The following DIP2B variants were observed in gnomAD, a reference collection of about 807,000 sequenced individuals.
DIP2B encodes the protein DIP2 acetate--CoA ligase B (putative).
In DIP2B, 76 loss-of-function variants were observed where a neutral mutation model predicts 198.0. That is an observed-to-expected ratio of 0.38 (90% CI 0.32 to 0.46). The LOEUF is 0.46. DIP2B is among the 20% of genes least tolerant of loss of function. DIP2B has a pLI of 0.99. For missense variants in DIP2B, 1,559 were observed against 1,978.4 expected (o/e 0.79, Z 4.02); for synonymous variants, 701 against 739.1 (o/e 0.95, Z 0.84).
chr12:50,709,001 T>C (rs906457511), intron 22 of DIP2B, among the ~76,000 whole-genome samples: 2 of 152,174 alleles, frequency 1.3e-5, no homozygotes, highest in African/African-American at 4.8e-5. Flanking sequence ...AGATGCTAGG[T>C]GAGATAAACC....
At chr12:50,588,956 G>A (rs1239676287) in intron 1 of DIP2B, among the ~76,000 whole-genome samples, 4 of 151,854 alleles carry the variant, frequency 2.6e-5, no homozygotes, top group Admixed American at 1.3e-4. Flanking sequence ...AGGCCGAGGC[G>A]GGCGGATCAC....
chr12:50,627,397 G>A lies in DIP2B; in HGVS notation c.172+1350G>A, dbSNP rs147622496. On this transcript the variant is annotated intron_variant, in intron 2 of 37. Coordinates refer to ENST00000301180, the MANE Select transcript of DIP2B (RefSeq NM_173602.3). ...CACCCAGGCGGGAGCGCAGTGGTGCGATCATGGTTCACTACAGCCTCAATC... is the reference window on the plus strand; with the variant it reads ...CACCCAGGCGGGAGCGCAGTGGTGCAATCATGGTTCACTACAGCCTCAATC... 3.6e-3 allele frequency among the ~76,000 whole-genome samples: 550 copies of A among 152,148 alleles called. 3 individuals are homozygous for A. Among genetic ancestry groups the A allele is most frequent in the Non-Finnish European group, 6.0e-3 (408 of 67,994 alleles).
chr12:50,713,310 A>G (rs1200358869), intron 22 of DIP2B, among the ~76,000 whole-genome samples: 1 of 152,196 alleles, frequency 6.6e-6, no homozygotes, highest in African/African-American at 2.4e-5. Flanking sequence ...TTGAATGGGT[A>G]TCTTCACTTT....
intron 1 of DIP2B, among the ~76,000 whole-genome samples, chr12:50,585,692 T>G (rs1443451140): frequency 1.3e-5 from 2 of 152,142 alleles, no homozygotes; most frequent in African/African-American, 4.8e-5. Context: ...GGAGTTTAGT[T>G]TTTATTCAGA....
intron 1 of DIP2B, among the ~76,000 whole-genome samples, chr12:50,552,609 C>CT (rs1958436435): frequency 6.6e-6 from 1 of 151,966 alleles, no homozygotes; most frequent in Non-Finnish European, 1.5e-5. Context: ...TGTAAGTTAA[C>CT]TTTTCTCTCT....
intron 3 of DIP2B, among the ~76,000 whole-genome samples, chr12:50,648,919 A>G (rs1285337739): frequency 2.0e-5 from 3 of 152,246 alleles, no homozygotes; most frequent in Non-Finnish European, 4.4e-5. Flanking sequence ...TTAGTCAGCA[A>G]GATATAAAGC....
At chr12:50,660,462 A>C in intron 4 of DIP2B, 143 bp downstream of exon 4, 1 of 912,408 alleles carries the variant, frequency 1.1e-6, no homozygotes, top group Non-Finnish European at 1.5e-6. Context: ...GAGGTGGCAG[A>C]TTTTGCTTGT....
In DIP2B at chr12:50,660,223, C is replaced by A; in HGVS notation, c.331C>A (p.Leu111Met). The part of the protein sequence containing the change: ...DIHTEAVQAA[L>M]AKHKEQKMAL... ...CCACACAGAAGCAGTTCAGGCTGCACTGGCAAAGCATAAAGAACAGAAGAT... is the reference window on the plus strand; with the variant it reads ...CCACACAGAAGCAGTTCAGGCTGCAATGGCAAAGCATAAAGAACAGAAGAT... Residue 111 changes from leucine to methionine, a missense_variant, in exon 4 of 38, where the codon CTG becomes ATG. By Grantham distance (15) the Leu-to-Met change is conservative. Coordinates refer to ENST00000301180, the MANE Select transcript of DIP2B (RefSeq NM_173602.3). 1 of 1,612,540 alleles carries A rather than the reference C, an allele frequency of 6.2e-7. No individual in the cohort carries two copies. The highest frequency in any genetic ancestry group is 8.5e-7 in the Non-Finnish European group (1 of 1,179,356).
chr12:50,511,291 A>ATTTTTTTT (rs71083581), intron 1 of DIP2B, among the ~76,000 whole-genome samples: 1,047 of 64,612 alleles, frequency 0.016, 284 homozygotes, highest in African/African-American at 0.059. Flanking sequence ...TGTGATTTCT[A>ATTTTTTTT]TTTTTTTTTT....
rs1255832812 is a variant in DIP2B at position 50,734,127 on chromosome 12, T to G, written c.3982-8T>G. 1.2e-6 allele frequency: 2 copies of G among 1,613,428 alleles called. No individual in the cohort carries two copies. Among genetic ancestry groups the G allele is most frequent in the Non-Finnish European group, 1.7e-6 (2 of 1,179,546 alleles). On this transcript the variant is annotated splice_polypyrimidine_tract_variant and splice_region_variant and intron_variant, in intron 32 of 37. Transcript: ENST00000301180. ...TTCTAAACAACGCATTGATTTGTCT[T>G]TCTTTAGGGAACCTCAGGGCCTGAT... is the stretch of plus-strand genomic sequence containing the variant.
chr12:50,653,699 T>G (rs1565859795), intron 3 of DIP2B, among the ~76,000 whole-genome samples: 3 of 152,114 alleles, frequency 2.0e-5, no homozygotes, highest in Admixed American at 2.0e-4. Context: ...GTCTCCTCTT[T>G]TATTTCTTAT....
chr12:50,552,328 C>T (rs956102292), intron 1 of DIP2B, among the ~76,000 whole-genome samples: 7 of 149,586 alleles, frequency 4.7e-5, no homozygotes, highest in Non-Finnish European at 8.9e-5. Context: ...AGTGCAATGG[C>T]GTAATCTCTG....
intron 35 of DIP2B, among the ~76,000 whole-genome samples, chr12:50,737,950 G>T (rs1478740462): frequency 6.6e-6 from 1 of 152,142 alleles, no homozygotes; most frequent in East Asian, 1.9e-4. Context: ...AGTCCTGTAA[G>T]TGCAGGAGCC....
At chr12:50,613,299 A>G (rs952054247) in intron 1 of DIP2B, among the ~76,000 whole-genome samples, 5 of 152,170 alleles carry the variant, frequency 3.3e-5, no homozygotes, top group African/African-American at 1.2e-4. Flanking sequence ...AATGTATGTG[A>G]TTGCTTAGAT....
intron 10 of DIP2B, among the ~76,000 whole-genome samples, chr12:50,684,377 G>A (rs1020410903): frequency 6.6e-6 from 1 of 152,212 alleles, no homozygotes; most frequent in Non-Finnish European, 1.5e-5. Flanking sequence ...TGAAGCATAT[G>A]TAACAGATTT....
intron 1 of DIP2B, among the ~76,000 whole-genome samples, chr12:50,507,120 C>G (rs1291178916): frequency 1.3e-5 from 2 of 152,210 alleles, no homozygotes; most frequent in African/African-American, 4.8e-5. Context: ...GAAACTTCTA[C>G]AAATTGTGAA....
rs1939298515 is a variant in DIP2B at position 50,695,696 on chromosome 12, T to C, written c.1814-152T>C. On this transcript the variant is annotated intron_variant, in intron 15 of 37. Coordinates refer to ENST00000301180, the MANE Select transcript of DIP2B (RefSeq NM_173602.3). Reference sequence around the variant, plus strand: ...GTCTAAATGTGATAATTTCTGCCTCTGAGCTATTGGCACAATCTCTTTGAA... The same window carrying C: ...GTCTAAATGTGATAATTTCTGCCTCCGAGCTATTGGCACAATCTCTTTGAA... The C allele has an allele frequency of 8.8e-5, 95 of 1,079,848 alleles. 1 individual carries two copies. In the South Asian group the frequency reaches 1.5e-3, roughly 17 times the overall value. 66.9% of individuals were successfully genotyped at this position (1,079,848 alleles called of 1,614,324 possible). A position where few individuals can be genotyped will look rare whatever the true frequency, so the allele number is the denominator to read the frequency against.
chr12:50,547,600 T>C (rs1002417792), intron 1 of DIP2B, among the ~76,000 whole-genome samples: 1 of 152,314 alleles, frequency 6.6e-6, no homozygotes, highest in Non-Finnish European at 1.5e-5. Flanking sequence ...GCAGAGTGTA[T>C]GAGAGAAATC....
At chr12:50,734,000 G>A in intron 32 of DIP2B, 135 bp from the exon 33 acceptor site, 1 of 833,690 alleles carries the variant, frequency 1.2e-6, no homozygotes, top group East Asian at 2.5e-5. Context: ...GAGAGCAGGG[G>A]GCCTACTCTC....
Sources: gnomAD v4.1 joint callset for allele counts (sites outside exome capture counted in the v4.1 genomes callset) on GRCh38, gnomAD v4.1.1 for gene constraint, MANE v1.5 for transcripts, NCBI Gene and HGNC (gene_info 2026-07-23, HGNC 2026-07-21) for gene names.